JAG2: variants seen among roughly 807,000 people sequenced by gnomAD.
The protein encoded by JAG2 is jagged canonical Notch ligand 2.
A neutral mutation model predicts 141.7 loss-of-function variants in JAG2; 46 were observed. That is an observed-to-expected ratio of 0.32 (90% CI 0.26 to 0.42). The LOEUF (loss-of-function observed/expected upper bound fraction) is 0.42, where lower values mean the gene tolerates loss of function less well. Ranked by LOEUF, JAG2 falls within the 10% of genes least tolerant of loss-of-function variation. JAG2 has a pLI of 1.00. For missense variants in JAG2, 1,500 were observed against 1,817.5 expected, an observed-to-expected ratio of 0.83 and a Z score of 3.18; for synonymous variants, 862 against 763.5, an observed-to-expected ratio of 1.13 and a Z score of -2.13.
chr14:105,145,981 G>A lies in JAG2; in HGVS notation c.2710-8C>T, dbSNP rs1462394489. On this transcript the variant is annotated splice_region_variant and splice_polypyrimidine_tract_variant and intron_variant, in intron 22 of 25. Transcript: ENST00000331782. ...CTTCCATCCGCACCACACCTGGGCA[G>A]GCACGCACAGGAGGGTCAGGCGCAG... 6.3e-7 allele frequency: 1 copy of A among 1,592,536 alleles called. No homozygotes were observed. The highest frequency in any genetic ancestry group is 1.7e-5 in the Admixed American group (1 of 57,682).
At position 105,167,312 on chromosome 14, in the gene JAG2, G is replaced by A. The variant is rs1421782382; in HGVS notation, c.417+445C>T. ...CACGGCGCCCGCCCGTGCCCCCCAG[G>A]CATCCAGGAAACTGCAGGGCAGGCG... On this transcript the variant is annotated intron_variant, in intron 2 of 25. Coordinates refer to ENST00000331782, the MANE Select transcript of JAG2 (RefSeq NM_002226.5). The surrounding 1 kb of genome is among the most constrained non-coding windows in gnomAD (Gnocchi z 4.8). 2.0e-5 allele frequency among the ~76,000 whole-genome samples: 3 copies of A among 152,012 alleles called. No individual in the cohort carries two copies. Among genetic ancestry groups the A allele is most frequent in the African/African-American group, 7.2e-5 (3 of 41,388 alleles).
chr14:105,145,012 G>A lies in JAG2; in HGVS notation c.3002C>T (p.Thr1001Ile). Reference sequence around the variant, plus strand: ...CAGGCGGTCCCGTGCCACAGCCCTTGTGGCTGGCAGGGAGCGGATCCCGGA... The same window carrying A: ...CAGGCGGTCCCGTGCCACAGCCCTTATGGCTGGCAGGGAGCGGATCCCGGA... ...ICSGIRSLPA[T>I]RAVARDRLLV... The change falls in exon 24 of 26, where the codon ACA (threonine) becomes ATA (isoleucine). Residue 1001 changes from threonine to isoleucine, a missense_variant. Thr to Ile is a moderately conservative substitution (Grantham distance 89). Around this residue, in one of 3 missense-constraint regions of JAG2, gnomAD observed 425 missense variants for 441.0 expected, o/e 0.96. Transcript: ENST00000331782. 1.2e-6 allele frequency: 2 copies of A among 1,610,026 alleles called. No individual in the cohort carries two copies. The highest frequency in any genetic ancestry group is 1.7e-6 in the Non-Finnish European group (2 of 1,179,780).
In JAG2 at chr14:105,148,872, C is replaced by A. The variant is rs374705973; in HGVS notation, c.1907-14G>T. 1.9e-6 allele frequency: 3 copies of A among 1,586,900 alleles called. No homozygotes were observed. Among genetic ancestry groups the A allele is most frequent in the Non-Finnish European group, 8.6e-7 (1 of 1,167,576 alleles). ...AGTCGTCAATGTCTGCAGAGGCGAGCGGGGTGAGCCAGGGCCTCAGGCCAG... is the reference window on the plus strand; with the variant it reads ...AGTCGTCAATGTCTGCAGAGGCGAGAGGGGTGAGCCAGGGCCTCAGGCCAG... On this transcript the variant is annotated splice_polypyrimidine_tract_variant and intron_variant, in intron 14 of 25. Transcript: ENST00000331782.
In JAG2 at chr14:105,142,881, A is replaced by G. The variant is rs1888101323; in HGVS notation, c.3531T>C (p.Asp1177=). The change falls in exon 26 of 26, where the codon GAT becomes GAC. Residue 1177 remains aspartate (D), a synonymous_variant. Transcript: ENST00000331782. ...CGCGGCCCAGATCCTCGTCCTCCTC[A>G]TCCTCCCTGACGGCCGCGTGGCCGG... The part of the protein sequence containing the change: ...GPAGHAAVRE[D]EEDEDLGRGE... The G allele has an allele frequency of 4.4e-6, 7 of 1,604,944 alleles. No individual in the cohort carries two copies. Among genetic ancestry groups the G allele is most frequent in the Non-Finnish European group, 6.0e-6 (7 of 1,176,086 alleles).
Position 105,147,315 on chromosome 14 carries a change from T to C in JAG2, c.2479+11A>G, listed in dbSNP as rs2140973309. On this transcript the variant is annotated intron_variant, in intron 20 of 25. Coordinates refer to ENST00000331782, the MANE Select transcript of JAG2 (RefSeq NM_002226.5). ...AGGGGCTCCCAGGGCTGGGGCTGTC[T>C]GGCCACTCACTGATGCGGCAGTCAG... 1.9e-6 allele frequency: 3 copies of C among 1,551,542 alleles called. No individual in the cohort carries two copies. Among genetic ancestry groups the C allele is most frequent in the South Asian group, 2.4e-5 (2 of 84,270 alleles).
chr14:105,147,110 C>T (rs950856952), intron 20 of JAG2: 1 of 625,648 alleles, frequency 1.6e-6, no homozygotes, highest in Non-Finnish European at 2.9e-6. Context: ...CCGGACTGGT[C>T]CCCCAGGCTG....
chr14:105,155,445 G>A, intron 5 of JAG2, 117 bp downstream of exon 5: 2 of 1,163,250 alleles, frequency 1.7e-6, no homozygotes, highest in Non-Finnish European at 1.3e-6. Context: ...GGCTCTCACA[G>A]CTGTGTGCCC....
In JAG2 at chr14:105,152,212, G is replaced by A; in HGVS notation, c.868C>T (p.Pro290Ser). 1.2e-6 allele frequency: 2 copies of A among 1,613,674 alleles called. No homozygotes were observed. Among genetic ancestry groups the A allele is most frequent in the Non-Finnish European group, 1.7e-6 (2 of 1,180,010 alleles). The change falls in exon 6 of 26, where the codon CCC becomes TCC. Residue 290 changes from proline (P) to serine (S), a missense_variant. Around this residue, in one of 3 missense-constraint regions of JAG2, gnomAD observed 875 missense variants for 1,202.2 expected, o/e 0.73. Coordinates refer to ENST00000331782, the MANE Select transcript of JAG2 (RefSeq NM_002226.5). ...PGCVHGSCVE[P>S]WQCNCETNWG... is the part of the protein sequence containing the mutation. ...TTGGTCTCACAGTTGCACTGCCAGGGCTCCACACAACTGCCATGCACGCAG... is the reference window on the plus strand; with the variant it reads ...TTGGTCTCACAGTTGCACTGCCAGGACTCCACACAACTGCCATGCACGCAG...
chr14:105,162,780 TCCAGGGC>T (rs1888794131), intron 2 of JAG2, among the ~76,000 whole-genome samples: 1 of 58,582 alleles, frequency 1.7e-5, no homozygotes. Context: ...GTACCCACAG[TCCAGGGC>T]ACCCCAAAGC....
chr14:105,157,597 G>A, intron 3 of JAG2, 109 bp downstream of exon 3: 1 of 1,080,968 alleles, frequency 9.3e-7, no homozygotes, highest in Non-Finnish European at 1.4e-6. Context: ...CAGCACACAT[G>A]ATCCTCAGGG....
At position 105,143,473 on chromosome 14, in the gene JAG2, C is replaced by A. The variant is rs118005500; in HGVS notation, c.3241+9G>T. On this transcript the variant is annotated intron_variant, in intron 25 of 25. Transcript: ENST00000331782. The stretch of plus-strand genomic sequence containing the variant: ...GGTGCCTTCCCAGGGGCCCACCTCC[C>A]GCGCTTACCTGTGGAAGAGCCGCCC... The A allele has an allele frequency of 6.5e-7, 1 of 1,546,256 alleles. No individual in the cohort carries two copies. Among genetic ancestry groups the A allele is most frequent in the Admixed American group, 2.0e-5 (1 of 51,040 alleles).
intron 5 of JAG2, among the ~76,000 whole-genome samples, chr14:105,153,955 G>T (rs1168678545): frequency 6.6e-6 from 1 of 152,212 alleles, no homozygotes; most frequent in Non-Finnish European, 1.5e-5. Flanking sequence ...GGTCCACCTT[G>T]TTGCACTTTC....
Position 105,147,354 on chromosome 14 carries a change from A to C in JAG2, c.2451T>G (p.Pro817=). Residue 817 remains proline, a synonymous_variant, in exon 20 of 26, where the codon CCT becomes CCG. Transcript: ENST00000331782. Reference sequence around the variant, plus strand: ...TGCGGCAGTCAGGCCCCGCGAAGCCAGGTGCACACTCGCAGCGGAACCAGT... The same window carrying C: ...TGCGGCAGTCAGGCCCCGCGAAGCCCGGTGCACACTCGCAGCGGAACCAGT... The part of the protein sequence containing the change: ...GVNWFRCECA[P]GFAGPDCRIN... The C allele has an allele frequency of 6.3e-7, 1 of 1,577,762 alleles. No homozygotes were observed. The highest frequency in any genetic ancestry group is 8.6e-7 in the Non-Finnish European group (1 of 1,162,284).
At position 105,143,504 on chromosome 14, in the gene JAG2, A is replaced by C. The variant is rs146366402; in HGVS notation, c.3219T>G (p.Val1073=). ...LAVTEVKVET[V]VTGGSSTGLL... ...TACCTGTGGAAGAGCCGCCCGTAACAACCGTCTCCACCTTGACCTCGGTGA... is the reference window on the plus strand; with the variant it reads ...TACCTGTGGAAGAGCCGCCCGTAACCACCGTCTCCACCTTGACCTCGGTGA... Residue 1073 remains valine (V), a synonymous_variant, in exon 25 of 26, where the codon GTT becomes GTG. Coordinates refer to ENST00000331782, the MANE Select transcript of JAG2 (RefSeq NM_002226.5). The C allele has an allele frequency of 7.6e-4, 1,194 of 1,567,848 alleles. 8 individuals carry two copies. The African/African-American group carries it at 0.014, about 19-fold the overall frequency.
In JAG2 at chr14:105,142,387, T is replaced by G. The variant is rs1888083428; in HGVS notation, c.*308A>C. On this transcript the variant is annotated 3_prime_UTR_variant, in exon 26 of 26. Coordinates refer to ENST00000331782, the MANE Select transcript of JAG2 (RefSeq NM_002226.5). Reference sequence around the variant, plus strand: ...TCTGTAAACAGTGCACAACCTCTGGTAACAAACGCTACGATTTGGTGACGA... The same window carrying G: ...TCTGTAAACAGTGCACAACCTCTGGGAACAAACGCTACGATTTGGTGACGA... 1.1e-5 allele frequency: 4 copies of G among 361,036 alleles called. No homozygotes were observed. Among genetic ancestry groups the G allele is most frequent in the Non-Finnish European group, 2.0e-5 (4 of 196,686 alleles). The allele number at this position is 361,036 out of a possible 1,614,324, so 22.4% of individuals were successfully genotyped here.
In JAG2 at chr14:105,143,019, G is replaced by A. The variant is rs1244405468; in HGVS notation, c.3393C>T (p.Leu1131=). The change falls in exon 26 of 26, where the codon CTC becomes CTT. Residue 1131 remains leucine, a synonymous_variant. Coordinates refer to ENST00000331782, the MANE Select transcript of JAG2 (RefSeq NM_002226.5). ...GCTCAATGGGGTTGCGGATGGGGTTGAGCGGGGCCCACTGGTTGTTGGCGC... is the reference window on the plus strand; with the variant it reads ...GCTCAATGGGGTTGCGGATGGGGTTAAGCGGGGCCCACTGGTTGTTGGCGC... The part of the protein sequence containing the change: ...EESANNQWAP[L]NPIRNPIERP... 1.2e-6 allele frequency: 2 copies of A among 1,606,416 alleles called. No individual in the cohort carries two copies. The highest frequency in any genetic ancestry group is 8.5e-7 in the Non-Finnish European group (1 of 1,179,656).
At position 105,147,571 on chromosome 14, in the gene JAG2, C is replaced by T. The variant is rs79965610; in HGVS notation, c.2366-44G>A. The stretch of plus-strand genomic sequence containing the variant: ...ACGCAGGGGATCAGTACCCACCCCC[C>T]AAGCGTGCCAGGCACTGTCCAGGCT... On this transcript the variant is annotated intron_variant, in intron 18 of 25. Coordinates refer to ENST00000331782, the MANE Select transcript of JAG2 (RefSeq NM_002226.5). 4.5e-3 allele frequency: 7,185 copies of T among 1,590,820 alleles called. 289 individuals carry two copies. In the African/African-American group the frequency reaches 0.083, roughly 18 times the overall value.
intron 2 of JAG2, among the ~76,000 whole-genome samples, chr14:105,159,807 A>AC (rs1334947318): frequency 1.7e-4 from 2 of 11,470 alleles, no homozygotes; most frequent in Non-Finnish European, 3.0e-4. Flanking sequence ...CTCCGTCCAC[A>AC]CCCCCCCCCA....
chr14:105,155,727 G>A lies in JAG2; in HGVS notation c.727+11C>T, dbSNP rs771227226. On this transcript the variant is annotated intron_variant, in intron 4 of 25. Coordinates refer to ENST00000331782, the MANE Select transcript of JAG2 (RefSeq NM_002226.5). The stretch of plus-strand genomic sequence containing the variant: ...CTCCCTGCCCTCCACGCAGCCCAGC[G>A]GCCCCCTCACCTTCCTTGCACTCCT... 7.4e-6 allele frequency: 12 copies of A among 1,612,554 alleles called. No individual in the cohort carries two copies. Among genetic ancestry groups the A allele is most frequent in the Middle Eastern group, 1.6e-4 (1 of 6,084 alleles).
Sources: gnomAD v4.1 joint callset for allele counts (sites outside exome capture counted in the v4.1 genomes callset) on GRCh38, gnomAD v4.1.1 for gene constraint, gnomAD v4.1.1 regional missense constraint, Gnocchi (gnomAD v3.1) non-coding constraint, MANE v1.5 for transcripts, NCBI Gene and HGNC (gene_info 2026-07-23, HGNC 2026-07-21) for gene names.